The following RPS6KA2 variants were observed in gnomAD, a reference collection of about 807,000 sequenced individuals.
The protein encoded by RPS6KA2 is ribosomal protein S6 kinase A2.
A neutral mutation model predicts 91.8 loss-of-function variants in RPS6KA2; 42 were observed. The observed-to-expected ratio is 0.46, with a 90% confidence interval of 0.36 to 0.59. The LOEUF (loss-of-function observed/expected upper bound fraction) is 0.59. RPS6KA2 is among the 20% of genes least tolerant of loss of function. The pLI is 0.00. For synonymous variants in RPS6KA2, 414 were observed against 393.6 expected (o/e 1.05, Z -0.61); for missense variants, 798 against 978.5 (o/e 0.82, Z 2.46).
At chr6:166,649,997 T>C (rs1787798641) in intron 2 of RPS6KA2, among the ~76,000 whole-genome samples, 1 of 152,088 alleles carries the variant, frequency 6.6e-6, no homozygotes, top group Non-Finnish European at 1.5e-5. Flanking sequence ...TTAGTCTTAT[T>C]AAAACAAATC....
intron 14 of RPS6KA2, among the ~76,000 whole-genome samples, chr6:166,436,687 CTGGCCTCCCAGCCTCTGA>C (rs1247312725): frequency 1.3e-5 from 2 of 152,234 alleles, no homozygotes; most frequent in African/African-American, 4.8e-5. Flanking sequence ...TCCTTGCCTC[CTGGCCTCCCAGCCTCTGA>C]GGCACAGGGC....
intron 1 of RPS6KA2, among the ~76,000 whole-genome samples, chr6:166,548,369 A>C (rs1374774046): frequency 3.3e-5 from 5 of 152,348 alleles, no homozygotes; most frequent in African/African-American, 1.2e-4. Flanking sequence ...ATTTCATGGA[A>C]AAGCAAAAGA....
intron 1 of RPS6KA2, among the ~76,000 whole-genome samples, chr6:166,625,508 G>C (rs191500375): frequency 2.0e-5 from 3 of 152,098 alleles, no homozygotes; most frequent in Admixed American, 6.5e-5. Context: ...CCTGGAGTGT[G>C]CTCACACGTG....
intron 1 of RPS6KA2, among the ~76,000 whole-genome samples, chr6:166,600,103 G>T (rs914413203): frequency 6.6e-6 from 1 of 152,074 alleles, no homozygotes; most frequent in Non-Finnish European, 1.5e-5. Context: ...GAACTCTTGG[G>T]CCCAAACAAT....
intron 1 of RPS6KA2, among the ~76,000 whole-genome samples, chr6:166,587,438 C>T (rs1785214277): frequency 6.6e-6 from 1 of 152,266 alleles, no homozygotes; most frequent in Middle Eastern, 3.4e-3. Context: ...TCAGTTCCCT[C>T]CTATGTAGAA....
chr6:166,730,775 G>A (rs1402935191), intron 2 of RPS6KA2, among the ~76,000 whole-genome samples: 1 of 152,180 alleles, frequency 6.6e-6, no homozygotes, highest in African/African-American at 2.4e-5. Flanking sequence ...TTCTGGTTTT[G>A]TTAAATGGTT....
At chr6:166,601,938 T>C (rs1216277905) in intron 1 of RPS6KA2, among the ~76,000 whole-genome samples, 1 of 152,242 alleles carries the variant, frequency 6.6e-6, no homozygotes, top group Admixed American at 6.5e-5. Context: ...TTTAAAAGAT[T>C]GGCCACAAAC....
intron 14 of RPS6KA2, chr6:166,440,155 T>C (rs1779474354): frequency 6.6e-6 from 1 of 152,224 alleles, no homozygotes; most frequent in Non-Finnish European, 1.5e-5. Flanking sequence ...ATGTGTTGCA[T>C]TCCTAAACAA....
intron 2 of RPS6KA2, among the ~76,000 whole-genome samples, chr6:166,535,681 A>T (rs1217113511): frequency 6.6e-6 from 1 of 152,236 alleles, no homozygotes; most frequent in Admixed American, 6.5e-5. Flanking sequence ...CGCAGGGAAC[A>T]CTGGGTCTGC....
chr6:166,630,077 C>T (rs1562353291), upstream of RPS6KA2, among the ~76,000 whole-genome samples: 1 of 152,170 alleles, frequency 6.6e-6, no homozygotes, highest in Admixed American at 6.5e-5. Context: ...TTGCTCTGAA[C>T]CCCTGAGGGT....
At chr6:166,743,373 C>G (rs551431971) in intron 2 of RPS6KA2, among the ~76,000 whole-genome samples, 5 of 152,212 alleles carry the variant, frequency 3.3e-5, no homozygotes, top group Non-Finnish European at 7.3e-5. Flanking sequence ...CCACAGAACG[C>G]CCAGCAACCA....
At chr6:166,547,386 G>A (rs1783861423) in intron 1 of RPS6KA2, among the ~76,000 whole-genome samples, 1 of 152,240 alleles carries the variant, frequency 6.6e-6, no homozygotes, top group Non-Finnish European at 1.5e-5. Context: ...GGGTGATGGG[G>A]AAAGTCTCAT....
intron 2 of RPS6KA2, among the ~76,000 whole-genome samples, chr6:166,672,066 C>A (rs1312368824): frequency 1.3e-5 from 2 of 152,138 alleles, no homozygotes; most frequent in Non-Finnish European, 2.9e-5. Flanking sequence ...GTGGGTCCCG[C>A]TAGTTGCTGC....
In RPS6KA2 at chr6:166,434,946, C is replaced by T. The variant is rs949172545; in HGVS notation, c.1333-2456G>A. 1.3e-5 allele frequency among the ~76,000 whole-genome samples: 2 copies of T among 152,132 alleles called. No individual in the cohort carries two copies. Among genetic ancestry groups the T allele is most frequent in the African/African-American group, 4.8e-5 (2 of 41,408 alleles). ...AAGGAGGAAACATTTAATTGCCTTGCCTTCCTGTGAGGAGGGGAACAGGGT... is the reference window on the plus strand; with the variant it reads ...AAGGAGGAAACATTTAATTGCCTTGTCTTCCTGTGAGGAGGGGAACAGGGT... On this transcript the variant is annotated intron_variant, in intron 14 of 20. Transcript: ENST00000265678. The surrounding 1 kb of genome is among the most constrained non-coding windows in gnomAD (Gnocchi z 4.4).
At chr6:166,654,393 C>T (rs1310987147) in intron 2 of RPS6KA2, among the ~76,000 whole-genome samples, 2 of 151,130 alleles carry the variant, frequency 1.3e-5, no homozygotes, top group African/African-American at 4.9e-5. Flanking sequence ...CACTGCCGGC[C>T]GGGTGAATTC....
At chr6:166,431,082 C>T (rs1454810780) in intron 15 of RPS6KA2, among the ~76,000 whole-genome samples, 2 of 152,164 alleles carry the variant, frequency 1.3e-5, no homozygotes, top group Non-Finnish European at 2.9e-5. Flanking sequence ...TGCACGTCAC[C>T]ATGCCCAGCT....
chr6:166,580,990 C>T (rs1254328574), intron 1 of RPS6KA2, among the ~76,000 whole-genome samples: 3 of 152,168 alleles, frequency 2.0e-5, no homozygotes, highest in South Asian at 2.1e-4. Flanking sequence ...CAACCTCTGC[C>T]TCCCAGGTTC....
intron 2 of RPS6KA2, among the ~76,000 whole-genome samples, chr6:166,800,169 G>A (rs1285981210): frequency 6.6e-6 from 1 of 152,188 alleles, no homozygotes; most frequent in Non-Finnish European, 1.5e-5. Context: ...TTTTAAGCCA[G>A]TGACTCATTG....
chr6:166,496,364 AT>A (rs1781785437), intron 8 of RPS6KA2, among the ~76,000 whole-genome samples: 1 of 85,242 alleles, frequency 1.2e-5, no homozygotes, highest in South Asian at 5.1e-4. Context: ...ACAATAAAAA[AT>A]TAAAAAATAA....
Sources: allele counts gnomAD v4.1 joint callset (sites outside exome capture counted in the v4.1 genomes callset), GRCh38; gene constraint gnomAD v4.1.1; non-coding constraint Gnocchi (gnomAD v3.1); transcripts MANE v1.5; gene names NCBI Gene and HGNC (gene_info 2026-07-23, HGNC 2026-07-21).